Variants in SCN9A observed in about 807,000 individuals in gnomAD.
SCN9A encodes the protein sodium voltage-gated channel alpha subunit 9.
Under a neutral mutation model 187.0 loss-of-function variants are expected in SCN9A, and 131 were observed. The ratio of observed to expected loss-of-function variants is 0.70; its 90% CI spans 0.61 to 0.81. The LOEUF (loss-of-function observed/expected upper bound fraction) is 0.81, where lower values mean the gene tolerates loss of function less well. Among genes scored for constraint, SCN9A ranks in the 30% least tolerant of loss-of-function variants. The pLI is 0.00. For missense variants in SCN9A, 2,252 were observed against 2,396.6 expected (o/e 0.94, Z 1.26); for synonymous variants, 809 against 808.6 (o/e 1.00, Z -0.01).
intron 24 of SCN9A, among the ~76,000 whole-genome samples, chr2:166,206,609 C>T (rs930275387): frequency 1.3e-5 from 2 of 151,940 alleles, no homozygotes; most frequent in African/African-American, 4.8e-5. Flanking sequence ...ACATGTATAC[C>T]TATGTAACAA....
At chr2:166,258,731 T>A (rs1186721363) in intron 17 of SCN9A, among the ~76,000 whole-genome samples, 1 of 151,646 alleles carries the variant, frequency 6.6e-6, no homozygotes, top group Non-Finnish European at 1.5e-5. Context: ...AAGCTAGAAT[T>A]ACAATGATCT....
At chr2:166,202,313 G>T (rs79678914) in intron 26 of SCN9A, among the ~76,000 whole-genome samples, 1 of 149,880 alleles carries the variant, frequency 6.7e-6, no homozygotes, top group Admixed American at 6.6e-5. Context: ...TTTAACTTTA[G>T]ATTTTGATTC....
intron 11 of SCN9A, among the ~76,000 whole-genome samples, chr2:166,286,125 T>G (rs1284330623): frequency 6.6e-6 from 1 of 152,160 alleles, no homozygotes; most frequent in Non-Finnish European, 1.5e-5. Flanking sequence ...TATTGACAAT[T>G]CTGAAACTAT....
chr2:166,329,598 A>G (rs1026239886), intron 1 of SCN9A, among the ~76,000 whole-genome samples: 8 of 151,882 alleles, frequency 5.3e-5, no homozygotes, highest in Non-Finnish European at 1.2e-4. Flanking sequence ...TTTGGAGGTA[A>G]GAGCAACAAA....
At chr2:166,266,394 G>A (rs926290916) in intron 17 of SCN9A, among the ~76,000 whole-genome samples, 1 of 151,264 alleles carries the variant, frequency 6.6e-6, no homozygotes, top group Non-Finnish European at 1.5e-5. Context: ...TTTATTTCTG[G>A]GCTCTCTATT....
intron 20 of SCN9A, among the ~76,000 whole-genome samples, chr2:166,236,961 T>C (rs1351144815): frequency 2.0e-5 from 3 of 152,272 alleles, no homozygotes; most frequent in Admixed American, 6.5e-5. Flanking sequence ...CGTGTTGACC[T>C]CTAATTATGT....
chr2:166,340,564 TTC>T (rs1216660965), intron 1 of SCN9A, among the ~76,000 whole-genome samples: 44 of 87,678 alleles, frequency 5.0e-4, no homozygotes, highest in Middle Eastern at 4.7e-3. Flanking sequence ...CTTTCTTTCT[TTC>T]TTTCTTTCTT....
At chr2:166,283,177 T>G (rs1364477909) in intron 12 of SCN9A, among the ~76,000 whole-genome samples, 2 of 152,206 alleles carry the variant, frequency 1.3e-5, no homozygotes, top group Non-Finnish European at 2.9e-5. Flanking sequence ...TATAGTATTT[T>G]ACATATTACA....
chr2:166,242,688 A>T, intron 18 of SCN9A, 32 bp from the exon 19 acceptor site: 1 of 1,490,944 alleles, frequency 6.7e-7, no homozygotes, highest in Non-Finnish European at 9.1e-7. Context: ...TTAAATCTTG[A>T]TATTCAGAAT....
At chr2:166,354,018 T>C (rs1228205670) in intron 1 of SCN9A, among the ~76,000 whole-genome samples, 1 of 152,212 alleles carries the variant, frequency 6.6e-6, no homozygotes. Context: ...AACATAGATG[T>C]CACACTAATT....
intron 20 of SCN9A, among the ~76,000 whole-genome samples, chr2:166,234,293 G>T (rs1489695107): frequency 6.6e-6 from 1 of 152,176 alleles, no homozygotes; most frequent in South Asian, 2.1e-4. Context: ...CTCTGAATTA[G>T]TTCCATGGAA....
At chr2:166,278,371 T>G (rs1697330985) in intron 14 of SCN9A, 58 bp from the exon 15 acceptor site, 9 of 1,343,586 alleles carry the variant, frequency 6.7e-6, no homozygotes, top group Non-Finnish European at 9.2e-6. Context: ...ATCAACACAA[T>G]GATAATAATC....
intron 1 of SCN9A, among the ~76,000 whole-genome samples, chr2:166,352,763 G>C (rs926236122): frequency 6.6e-6 from 1 of 152,084 alleles, no homozygotes; most frequent in African/African-American, 2.4e-5. Flanking sequence ...TGAAAAGTAA[G>C]ACAAGGAATT....
intron 18 of SCN9A, among the ~76,000 whole-genome samples, chr2:166,244,156 T>C (rs1695685928): frequency 6.6e-6 from 1 of 152,038 alleles, no homozygotes; most frequent in Non-Finnish European, 1.5e-5. Context: ...ACAGATATCC[T>C]ATAGATTTTA....
chr2:166,257,280 A>C (rs936016203), intron 17 of SCN9A, among the ~76,000 whole-genome samples: 1 of 151,790 alleles, frequency 6.6e-6, no homozygotes, highest in East Asian at 1.9e-4. Context: ...CTTAGCAAAC[A>C]TAAAGGCAAA....
chr2:166,268,693 G>A (rs940025920), intron 17 of SCN9A, among the ~76,000 whole-genome samples: 1 of 151,926 alleles, frequency 6.6e-6, no homozygotes, highest in African/African-American at 2.4e-5. Context: ...GGTTTTTATA[G>A]TTGACCACAG....
intron 26 of SCN9A, among the ~76,000 whole-genome samples, chr2:166,200,824 CG>C (rs1693475186): frequency 6.6e-6 from 1 of 152,034 alleles, no homozygotes; most frequent in African/African-American, 2.4e-5. Context: ...TTGGTAGGGA[CG>C]GTTTTCACCT....
chr2:166,257,933 C>T (rs528220058), intron 17 of SCN9A, among the ~76,000 whole-genome samples: 2 of 151,470 alleles, frequency 1.3e-5, no homozygotes, highest in Admixed American at 1.3e-4. Flanking sequence ...CTTAGGCCAC[C>T]TTTAAAATTA....
intron 1 of SCN9A, among the ~76,000 whole-genome samples, chr2:166,330,771 C>G (rs1324791567): frequency 6.6e-6 from 1 of 152,150 alleles, no homozygotes; most frequent in African/African-American, 2.4e-5. Context: ...TTGCACTTCT[C>G]TGAGAGTCTA....
Sources: gnomAD v4.1 joint callset for allele counts (sites outside exome capture counted in the v4.1 genomes callset) on GRCh38, gnomAD v4.1.1 for gene constraint, MANE v1.5 for transcripts, NCBI Gene and HGNC (gene_info 2026-07-23, HGNC 2026-07-21) for gene names.